WDR64: variants seen among roughly 807,000 people sequenced by gnomAD.
The protein encoded by WDR64 is WD repeat-containing protein 64.
In WDR64, 112 loss-of-function variants were observed where a neutral mutation model predicts 139.3. That is an observed-to-expected ratio of 0.80 (90% CI 0.69 to 0.94). The LOEUF is 0.94. WDR64 is among the 40% of genes least tolerant of loss of function. WDR64 has a pLI of 0.00. For synonymous variants in WDR64, 444 were observed against 437.7 expected (o/e 1.01, Z -0.18); for missense variants, 1,206 against 1,293.1 (o/e 0.93, Z 1.03).
At chr1:241,796,990 G>T (rs1574103644) in intron 27 of WDR64, among the ~76,000 whole-genome samples, 1 of 152,298 alleles carries the variant, frequency 6.6e-6, no homozygotes, top group African/African-American at 2.4e-5. Context: ...CGACATAGAG[G>T]AGGGCTGTAT....
chr1:241,689,555 C>G (rs1057354879), intron 8 of WDR64, among the ~76,000 whole-genome samples: 2 of 152,136 alleles, frequency 1.3e-5, no homozygotes, highest in Non-Finnish European at 2.9e-5. Context: ...ATCCTTAATG[C>G]AGATGCACCT....
intron 12 of WDR64, among the ~76,000 whole-genome samples, chr1:241,742,571 A>G (rs1226322709): frequency 6.6e-6 from 1 of 152,186 alleles, no homozygotes; most frequent in Non-Finnish European, 1.5e-5. Context: ...GTTACCCTAC[A>G]TTGTCTAAAT....
chr1:241,771,979 T>TATATATATATAA (rs1658471336), intron 19 of WDR64, among the ~76,000 whole-genome samples: 3 of 134,378 alleles, frequency 2.2e-5, no homozygotes, highest in Admixed American at 7.8e-5. Flanking sequence ...TATATATATA[T>TATATATATATAA]ATATATATAT....
intron 15 of WDR64, among the ~76,000 whole-genome samples, chr1:241,762,848 A>G (rs6696527): frequency 0.76 from 115,769 of 151,898 alleles, 44,464 homozygotes; most frequent in Non-Finnish European, 0.8. Flanking sequence ...ATAGAACGGA[A>G]ACATACTGTA....
At position 241,787,831 on chromosome 1, in the gene WDR64, T is replaced by C; in HGVS notation, c.2706-18T>C. 1.3e-6 allele frequency: 2 copies of C among 1,553,626 alleles called. No individual in the cohort carries two copies. Among genetic ancestry groups the C allele is most frequent in the South Asian group, 2.5e-5 (2 of 81,044 alleles). On this transcript the variant is annotated intron_variant, in intron 23 of 27. Transcript: ENST00000437684. ...ATTTTCCAGTTACTTTTTCCTCCCT[T>C]CCTTTTCCTTCCCTCAGGCTCTGGC...
chr1:241,653,647 G>A (rs780271392), intron 1 of WDR64, among the ~76,000 whole-genome samples: 9 of 150,676 alleles, frequency 6.0e-5, no homozygotes, highest in Non-Finnish European at 1.2e-4. Flanking sequence ...AGGTTCAAGT[G>A]ATTCTCCTGC....
chr1:241,744,392 G>T lies in WDR64; in HGVS notation c.1471-1G>T, dbSNP rs1161279677. On this transcript the variant is annotated splice_acceptor_variant, in intron 12 of 27. Coordinates refer to ENST00000437684, the MANE Select transcript of WDR64 (RefSeq NM_001367482.1). LOFTEE classifies it high-confidence loss of function. ...CTTGATATTTTCGTTCTTTCCCATA[G>T]GTATGGGAACTCGAGACTGGGCTCC... The T allele has an allele frequency of 6.2e-7, 1 of 1,613,972 alleles. No homozygotes were observed. Among genetic ancestry groups the T allele is most frequent in the Non-Finnish European group, 8.5e-7 (1 of 1,179,950 alleles).
intron 21 of WDR64, among the ~76,000 whole-genome samples, chr1:241,777,864 T>C (rs1274423518): frequency 6.6e-6 from 1 of 152,180 alleles, no homozygotes; most frequent in Non-Finnish European, 1.5e-5. Context: ...TTAATTCCAT[T>C]GTGGTCTGAA....
At chr1:241,739,118 G>A (rs1172846916) in intron 11 of WDR64, among the ~76,000 whole-genome samples, 1 of 152,212 alleles carries the variant, frequency 6.6e-6, no homozygotes, top group Non-Finnish European at 1.5e-5. Flanking sequence ...CCAATGGAGA[G>A]TGAGGATAGA....
intron 10 of WDR64, 49 bp from the exon 11 acceptor site, chr1:241,738,314 G>A (rs1558499698): frequency 6.3e-7 from 1 of 1,582,726 alleles, no homozygotes; most frequent in Non-Finnish European, 8.6e-7. Flanking sequence ...TATCTTGGGT[G>A]AGAAAGGTGA....
chr1:241,794,062 T>A (rs1659285894), intron 25 of WDR64, among the ~76,000 whole-genome samples: 1 of 151,858 alleles, frequency 6.6e-6, no homozygotes. Context: ...GCGCCTGTAA[T>A]CCCAGCTACT....
At chr1:241,790,544 GAA>G (rs2148327992) in intron 24 of WDR64, 45 bp from the exon 25 acceptor site, 1 of 1,480,858 alleles carries the variant, frequency 6.8e-7, no homozygotes, top group East Asian at 2.3e-5. Context: ...AGTTGGCAGA[GAA>G]TAAAAGGTAT....
At chr1:241,774,097 G>C (rs1048717784) in intron 20 of WDR64, among the ~76,000 whole-genome samples, 4 of 152,200 alleles carry the variant, frequency 2.6e-5, no homozygotes, top group Non-Finnish European at 4.4e-5. Context: ...GAAGGATCTT[G>C]AGTAGCCTGA....
intron 8 of WDR64, among the ~76,000 whole-genome samples, chr1:241,697,382 G>A (rs1348635061): frequency 6.6e-6 from 1 of 152,034 alleles, no homozygotes; most frequent in East Asian, 1.9e-4. Flanking sequence ...CCTTCCATTG[G>A]TGACCTTATG....
chr1:241,683,822 T>C lies in WDR64; in HGVS notation c.839+121T>C, dbSNP rs150234363. 1.0e-3 allele frequency: 796 copies of C among 794,452 alleles called. 9 individuals carry two copies. In the African/African-American group the frequency reaches 0.013, roughly 13 times the overall value. 49.2% of individuals were successfully genotyped at this position (794,452 alleles called of 1,614,324 possible). On this transcript the variant is annotated intron_variant, in intron 7 of 27. Transcript: ENST00000437684. ...CAGAAAATAAGAAATTAAGACAAAA[T>C]TAAAGTAATATAAACAATTAATTAT...
At chr1:241,786,746 A>C (rs976782779) in intron 23 of WDR64, among the ~76,000 whole-genome samples, 38 of 152,216 alleles carry the variant, frequency 2.5e-4, no homozygotes, top group African/African-American at 9.2e-4. Flanking sequence ...AATTCAATGA[A>C]TACACTGTTA....
At chr1:241,719,586 A>G (rs1368654474) in intron 9 of WDR64, among the ~76,000 whole-genome samples, 1 of 152,144 alleles carries the variant, frequency 6.6e-6, no homozygotes. Context: ...AGAATTATGG[A>G]AGCATCTATC....
At chr1:241,759,891 C>T (rs552170962) in intron 15 of WDR64, among the ~76,000 whole-genome samples, 34 of 152,292 alleles carry the variant, frequency 2.2e-4, no homozygotes, top group Non-Finnish European at 4.3e-4. Context: ...CCCCTTCTCT[C>T]CAGCTCCTGG....
At chr1:241,696,113 C>CAAATAAAAAAAAAA (rs1667473091) in intron 8 of WDR64, among the ~76,000 whole-genome samples, 1 of 22,322 alleles carries the variant, frequency 4.5e-5, no homozygotes, top group African/African-American at 1.4e-4. Context: ...GACCCAGTAT[C>CAAATAAAAAAAAAA]AAAAAAAAAA....
Sources: allele counts gnomAD v4.1 joint callset (sites outside exome capture counted in the v4.1 genomes callset), GRCh38; gene constraint gnomAD v4.1.1; transcripts MANE v1.5; gene names NCBI Gene and HGNC (gene_info 2026-07-23, HGNC 2026-07-21).